Variants in PCDH11X observed in about 807,000 individuals in gnomAD.
PCDH11X encodes protocadherin 11 X-linked, also known as protocadherin-11 X-linked.
A neutral mutation model predicts 53.3 loss-of-function variants in PCDH11X; 18 were observed. The observed-to-expected ratio is 0.34, with a 90% CI of 0.23 to 0.50. The LOEUF (loss-of-function observed/expected upper bound fraction) is 0.50. Ranked by LOEUF, PCDH11X falls within the 20% of genes least tolerant of loss-of-function variation. The pLI, the probability that PCDH11X is intolerant of heterozygous loss-of-function variation, is 0.98. For missense variants in PCDH11X, 570 were observed against 1,032.4 expected (o/e 0.55, Z 6.14); for synonymous variants, 279 against 393.3 (o/e 0.71, Z 3.44).
At chrX:92,117,401 T>A (rs1474495514) in intron 6 of PCDH11X, among the ~76,000 whole-genome samples, 1 of 107,765 alleles carries the variant, frequency 9.3e-6, no homozygotes, top group Non-Finnish European at 1.9e-5. Context: ...CGGGCCACTT[T>A]ACTCCAGCCG....
At position 92,262,919 on chromosome X, in the gene PCDH11X, C is replaced by T. The variant is rs769070639; in HGVS notation, c.3115-195C>T. The T allele has an allele frequency of 2.9e-5, 14 of 475,581 alleles. No individual in the cohort carries two copies. The East Asian group carries it at 2.1e-3, about 71-fold the overall frequency. 39.2% of individuals were successfully genotyped at this position (475,581 alleles called of 1,213,427 possible). A position where few individuals can be genotyped will look rare whatever the true frequency, so the allele number is the denominator to read the frequency against. ...TACAATGCTGTTATATCCCTTTACTCAAACCACTGAAGAATGTAGGAGATG... is the reference window on the plus strand; with the variant it reads ...TACAATGCTGTTATATCCCTTTACTTAAACCACTGAAGAATGTAGGAGATG... On this transcript the variant is annotated intron_variant, in intron 7 of 10. Coordinates refer to ENST00000682573, the MANE Select transcript of PCDH11X (RefSeq NM_032968.5).
chrX:92,331,112 C>A (rs1390332876), intron 8 of PCDH11X, among the ~76,000 whole-genome samples: 1 of 106,557 alleles, frequency 9.4e-6, no homozygotes, highest in Non-Finnish European at 1.9e-5. Context: ...TACTTTTGTA[C>A]AAATAATTAT....
intron 5 of PCDH11X, among the ~76,000 whole-genome samples, chrX:91,855,512 A>G (rs1311215195): frequency 9.3e-6 from 1 of 107,446 alleles, no homozygotes; most frequent in East Asian, 2.9e-4. Flanking sequence ...AAATCTGAGG[A>G]TTTTTTTTCT....
At chrX:92,191,162 C>T (rs192812991) in intron 6 of PCDH11X, among the ~76,000 whole-genome samples, 9 of 112,049 alleles carry the variant, frequency 8.0e-5, no homozygotes, top group Non-Finnish European at 1.5e-4. Flanking sequence ...GGAATATTGT[C>T]CCTTTCCCTA....
intron 8 of PCDH11X, among the ~76,000 whole-genome samples, chrX:92,315,539 A>C (rs1489255415): frequency 3.6e-5 from 4 of 111,436 alleles, no homozygotes; most frequent in Non-Finnish European, 7.5e-5. Context: ...AAATTATTTA[A>C]GTTTTTTTTG....
At chrX:92,039,535 T>A (rs2063178782) in intron 6 of PCDH11X, among the ~76,000 whole-genome samples, 1 of 110,455 alleles carries the variant, frequency 9.1e-6, no homozygotes, top group African/African-American at 3.3e-5. Context: ...CCACTGCTAA[T>A]GTTCACTTAA....
intron 10 of PCDH11X, among the ~76,000 whole-genome samples, chrX:92,485,778 A>G (rs1431730025): frequency 8.9e-6 from 1 of 111,778 alleles, no homozygotes; most frequent in Non-Finnish European, 1.9e-5. Context: ...CTATTGAATT[A>G]GCAAATACAA....
intron 6 of PCDH11X, among the ~76,000 whole-genome samples, chrX:91,885,740 G>A (rs1217397313): frequency 1.8e-5 from 2 of 111,407 alleles, no homozygotes; most frequent in East Asian, 5.7e-4. Context: ...TAATTATCCA[G>A]AATTTCTTTA....
chrX:92,289,450 A>G (rs1433221573), intron 8 of PCDH11X, among the ~76,000 whole-genome samples: 4 of 112,122 alleles, frequency 3.6e-5, no homozygotes, highest in Non-Finnish European at 7.5e-5. Context: ...TATTTTCATG[A>G]TTTAAATGAC....
intron 10 of PCDH11X, among the ~76,000 whole-genome samples, chrX:92,490,761 AGAAAGAAAGAAAG>A (rs1396106177): frequency 5.0e-5 from 5 of 99,359 alleles, no homozygotes; most frequent in Admixed American, 1.2e-4. Flanking sequence ...AGAAAGAAAG[AGAAAGAAAGAAAG>A]GAAAGAAAGA....
chrX:91,823,170 T>A (rs1483740266), intron 4 of PCDH11X, among the ~76,000 whole-genome samples: 1 of 110,422 alleles, frequency 9.1e-6, no homozygotes, highest in Non-Finnish European at 1.9e-5. Context: ...AGTGGAGAGT[T>A]CTGTAGATGT....
At chrX:91,909,279 G>A (rs1307837426) in intron 6 of PCDH11X, among the ~76,000 whole-genome samples, 1 of 110,854 alleles carries the variant, frequency 9.0e-6, no homozygotes, top group Non-Finnish European at 1.9e-5. Flanking sequence ...AGATAAAAAG[G>A]TAAAGGATTG....
intron 10 of PCDH11X, among the ~76,000 whole-genome samples, chrX:92,493,923 A>G (rs1439819812): frequency 1.8e-5 from 2 of 110,143 alleles, no homozygotes; most frequent in Non-Finnish European, 3.8e-5. Context: ...CTAGGATTAC[A>G]GGCGTGAACC....
At chrX:92,129,619 A>G (rs1328833468) in intron 6 of PCDH11X, among the ~76,000 whole-genome samples, 3 of 112,018 alleles carry the variant, frequency 2.7e-5, no homozygotes, top group Non-Finnish European at 5.6e-5. Context: ...AATGTTGTAG[A>G]AAAATGCTAT....
intron 6 of PCDH11X, among the ~76,000 whole-genome samples, chrX:91,901,762 A>C (rs1179357163): frequency 8.9e-6 from 1 of 111,857 alleles, no homozygotes; most frequent in Non-Finnish European, 1.9e-5. Flanking sequence ...GTAAAGACAA[A>C]ATTTAATTTA....
intron 9 of PCDH11X, among the ~76,000 whole-genome samples, chrX:92,398,095 A>G (rs2071287230): frequency 8.9e-6 from 1 of 111,982 alleles, no homozygotes; most frequent in Non-Finnish European, 1.9e-5. Context: ...TTTTTGCAAA[A>G]CAGCTTAACT....
intron 4 of PCDH11X, among the ~76,000 whole-genome samples, chrX:91,821,744 C>A (rs1330195698): frequency 1.9e-5 from 2 of 103,464 alleles, no homozygotes; most frequent in Non-Finnish European, 3.8e-5. Context: ...GCATCCCTGT[C>A]TTGTGCCCGT....
At chrX:92,103,732 C>T (rs140046476) in intron 6 of PCDH11X, among the ~76,000 whole-genome samples, 1,843 of 111,979 alleles carry the variant, frequency 0.016, 37 homozygotes, top group African/African-American at 0.057. Context: ...TGGAGGAACG[C>T]CTGGCTGCTA....
Position 92,201,403 on chromosome X carries a change from C to T in PCDH11X, c.3062C>T (p.Thr1021Ile), listed in dbSNP as rs1267033499. The T allele has an allele frequency of 5.8e-6, 7 of 1,202,076 alleles. No homozygotes were observed. The highest frequency in any genetic ancestry group is 5.4e-5 in the South Asian group (3 of 55,810). The change falls in exon 7 of 11, where the codon ACC becomes ATC. Residue 1021 changes from threonine (T) to isoleucine (I), a missense_variant. Thr to Ile is a moderately conservative substitution (Grantham distance 89). Coordinates refer to ENST00000682573, the MANE Select transcript of PCDH11X (RefSeq NM_032968.5). ...ATGAAGGAGGTTGTGCGATCTTGCA[C>T]CCCCATGAAAGAGTCTACAACTATG... The part of the protein sequence containing the change: ...PPMKEVVRSC[T>I]PMKESTTMEI...
Sources: gnomAD v4.1 joint callset for allele counts (sites outside exome capture counted in the v4.1 genomes callset) on GRCh38, gnomAD v4.1.1 for gene constraint, MANE v1.5 for transcripts, NCBI Gene and HGNC (gene_info 2026-07-23, HGNC 2026-07-21) for gene names.